The following ZNF83 variants were observed in gnomAD, a reference collection of about 807,000 sequenced individuals.
ZNF83 encodes the protein zinc finger protein 816B.
For synonymous variants in ZNF83, 209 were observed against 213.0 expected (o/e 0.98, Z 0.17); for missense variants, 552 against 629.9 (o/e 0.88, Z 1.32).
chr19:52,672,255 A>C (rs1277656559), intron 1 of ZNF83, among the ~76,000 whole-genome samples: 4 of 152,180 alleles, frequency 2.6e-5, no homozygotes, highest in Non-Finnish European at 5.9e-5. Flanking sequence ...AATAAAAATA[A>C]AATGAAATTA....
chr19:52,678,189 A>G (rs1333509933), intron 1 of ZNF83, among the ~76,000 whole-genome samples: 1 of 152,082 alleles, frequency 6.6e-6, no homozygotes, highest in Non-Finnish European at 1.5e-5. Flanking sequence ...TCGGTGGCTC[A>G]AGCCTGTAAT....
At chr19:52,673,964 C>G (rs949329594) in intron 1 of ZNF83, among the ~76,000 whole-genome samples, 2 of 127,608 alleles carry the variant, frequency 1.6e-5, no homozygotes, top group African/African-American at 6.1e-5. Flanking sequence ...CGCAGTGAGT[C>G]GAGATCATGC....
At chr19:52,630,588 G>A (rs1216003952) in intron 2 of ZNF83, among the ~76,000 whole-genome samples, 4 of 151,916 alleles carry the variant, frequency 2.6e-5, no homozygotes, top group Admixed American at 6.6e-5. Flanking sequence ...GACTACAGCC[G>A]CATCTCACTG....
chr19:52,641,080 G>A (rs556601315), upstream of ZNF83, among the ~76,000 whole-genome samples: 559 of 55,050 alleles, frequency 0.01, 3 homozygotes, highest in South Asian at 0.081. Context: ...TCCAGACCCC[G>A]CCCCCAAGAT....
At chr19:52,617,192 G>A (rs2060342131) in intron 2 of ZNF83, 1 of 152,220 alleles carries the variant, frequency 6.6e-6, no homozygotes, top group Non-Finnish European at 1.5e-5. Context: ...GCAAATAGAT[G>A]CATAGAAAGG....
chr19:52,618,893 A>G (rs35489438), intron 2 of ZNF83: 1 of 1,420,302 alleles, frequency 7.0e-7, no homozygotes, highest in South Asian at 1.2e-5. Flanking sequence ...ATGCAAAGAT[A>G]CACAAGGGAA....
In ZNF83 at chr19:52,613,264, C is replaced by A. The variant is rs773813218; in HGVS notation, c.1301G>T (p.Cys434Phe). 2.5e-6 allele frequency: 4 copies of A among 1,613,962 alleles called. No homozygotes were observed. The highest frequency in any genetic ancestry group is 3.3e-5 in the Admixed American group (2 of 59,986). ...TGAGTTTAGACCGAAGACCTTCCCA[C>A]ATTCATTACATTTATAAGCTTTTTC... Residue 434 changes from cysteine (C) to phenylalanine (F), a missense_variant, in exon 3 of 3, where the codon TGT becomes TTT. Transcript: ENST00000301096.
intron 2 of ZNF83, among the ~76,000 whole-genome samples, chr19:52,627,851 T>A (rs988763147): frequency 6.6e-6 from 1 of 152,054 alleles, no homozygotes; most frequent in Non-Finnish European, 1.5e-5. Context: ...CACGTACACA[T>A]CCAGATGGCC....
chr19:52,683,075 T>C (rs1385731767), intron 1 of ZNF83, among the ~76,000 whole-genome samples: 3 of 80,192 alleles, frequency 3.7e-5, no homozygotes, highest in Admixed American at 2.8e-4. Flanking sequence ...TTCACCATGT[T>C]GGCCAGCTGC....
chr19:52,649,432 G>A (rs1464791047), intron 3 of ZNF83, among the ~76,000 whole-genome samples: 1 of 152,170 alleles, frequency 6.6e-6, no homozygotes, highest in Non-Finnish European at 1.5e-5. Flanking sequence ...GGACTGCTAT[G>A]AGAGTTTGGG....
At chr19:52,640,788 T>G (rs530593568), upstream of ZNF83, among the ~76,000 whole-genome samples, 1 of 152,290 alleles carries the variant, frequency 6.6e-6, no homozygotes, top group African/African-American at 2.4e-5. Context: ...AAAACCATTT[T>G]CAACTTAAGA....
intron 1 of ZNF83, among the ~76,000 whole-genome samples, chr19:52,682,037 G>C (rs916535901): frequency 1.3e-5 from 2 of 151,982 alleles, no homozygotes; most frequent in Non-Finnish European, 2.9e-5. Flanking sequence ...TAGTAGAGAC[G>C]AGGTTTCACC....
intron 1 of ZNF83, chr19:52,636,356 A>G (rs1400759958): frequency 9.0e-6 from 1 of 110,558 alleles, no homozygotes; most frequent in African/African-American, 4.0e-5. Flanking sequence ...TGTTAACAGA[A>G]AGGGATTTTT....
intron 2 of ZNF83, among the ~76,000 whole-genome samples, chr19:52,660,433 A>AAT (rs2061564408): frequency 6.6e-6 from 1 of 152,112 alleles, no homozygotes; most frequent in Non-Finnish European, 1.5e-5. Context: ...AGCCTGGCCA[A>AAT]CATGGTGAAA....
chr19:52,633,776 G>A (rs1183058660), intron 2 of ZNF83, among the ~76,000 whole-genome samples: 1 of 151,952 alleles, frequency 6.6e-6, no homozygotes, highest in Admixed American at 6.6e-5. Flanking sequence ...CGGGCATGGT[G>A]ACGCATGCCT....
At chr19:52,612,832 A>G in exon 3 of ZNF83, 1 of 530,108 alleles carries the variant, frequency 1.9e-6, no homozygotes, top group Non-Finnish European at 3.2e-6. Context: ...ATTTTACCTT[A>G]AGACCTTGCC....
chr19:52,628,030 C>A (rs993636381), intron 2 of ZNF83, among the ~76,000 whole-genome samples: 1 of 150,678 alleles, frequency 6.6e-6, no homozygotes, highest in Non-Finnish European at 1.5e-5. Context: ...CAGAGAACAA[C>A]CCCCCTTTTT....
At chr19:52,659,037 CTA>C (rs1171619332) in intron 2 of ZNF83, among the ~76,000 whole-genome samples, 1 of 151,570 alleles carries the variant, frequency 6.6e-6, no homozygotes, top group Admixed American at 6.6e-5. Flanking sequence ...AGCAGAATAT[CTA>C]TGTGTCGGTG....
chr19:52,679,126 C>G lies in ZNF83; in HGVS notation c.-283+11317G>C, dbSNP rs370101109. ...TTCTTGTTAAAAATGAACAGTGACACATATTGGTGTGAAAAATGTGAAATG... is the reference window on the plus strand; with the variant it reads ...TTCTTGTTAAAAATGAACAGTGACAGATATTGGTGTGAAAAATGTGAAATG... On this transcript the variant is annotated intron_variant, in intron 1 of 5. Transcript: ENST00000594682. Among the ~76,000 whole-genome samples the G allele has an allele frequency of 1.9e-4, 29 of 152,298 alleles. No individual in the cohort carries two copies. In the South Asian group the frequency reaches 4.6e-3, roughly 24 times the overall value.
Sources: allele counts gnomAD v4.1 joint callset (sites outside exome capture counted in the v4.1 genomes callset), GRCh38; gene constraint gnomAD v4.1.1; transcripts MANE v1.5; gene names NCBI Gene and HGNC (gene_info 2026-07-23, HGNC 2026-07-21).